Variants in ATP6V1H observed in about 807,000 individuals in gnomAD.
ATP6V1H encodes ATPase H+ transporting V1 subunit H.
ATP6V1H carries 39 observed loss-of-function variants against 71.7 expected under a neutral mutation model. That is an observed-to-expected ratio of 0.54 (90% CI 0.42 to 0.71). The LOEUF is 0.71. Ranked by LOEUF, ATP6V1H falls within the 30% of genes least tolerant of loss-of-function variation. The pLI is 0.00. For missense variants in ATP6V1H, 509 were observed against 594.9 expected (o/e 0.86, Z 1.50); for synonymous variants, 192 against 199.3 (o/e 0.96, Z 0.31).
chr8:53,797,763 G>A (rs1381216373), intron 8 of ATP6V1H, among the ~76,000 whole-genome samples: 1 of 151,886 alleles, frequency 6.6e-6, no homozygotes, highest in African/African-American at 2.4e-5. Context: ...ATTTTGGGAG[G>A]CCAGGGTGGG....
chr8:53,768,280 A>C (rs578016566), intron 11 of ATP6V1H, among the ~76,000 whole-genome samples: 1 of 152,224 alleles, frequency 6.6e-6, no homozygotes, highest in Non-Finnish European at 1.5e-5. Flanking sequence ...CAAAAAGGTC[A>C]TAATAAACGT....
At chr8:53,812,745 G>C (rs1459359146) in intron 6 of ATP6V1H, among the ~76,000 whole-genome samples, 1 of 152,192 alleles carries the variant, frequency 6.6e-6, no homozygotes, top group Non-Finnish European at 1.5e-5. Flanking sequence ...TCAGGGTGGA[G>C]TGCAGTGGCA....
At chr8:53,738,708 A>T (rs1294699162) in intron 13 of ATP6V1H, among the ~76,000 whole-genome samples, 2 of 152,190 alleles carry the variant, frequency 1.3e-5, no homozygotes, top group Non-Finnish European at 2.9e-5. Context: ...AACTCTTCTG[A>T]ATATTTATTT....
intron 8 of ATP6V1H, among the ~76,000 whole-genome samples, chr8:53,800,184 C>A (rs1809862588): frequency 6.6e-6 from 1 of 152,148 alleles, no homozygotes; most frequent in Admixed American, 6.5e-5. Context: ...AGGAAGAGAG[C>A]ATAAGGGAGC....
At chr8:53,764,078 A>C (rs931291691) in intron 11 of ATP6V1H, among the ~76,000 whole-genome samples, 1 of 152,232 alleles carries the variant, frequency 6.6e-6, no homozygotes, top group Non-Finnish European at 1.5e-5. Flanking sequence ...ACATGTTCTC[A>C]CTGGTAAATT....
chr8:53,804,619 A>C (rs1210248463), intron 7 of ATP6V1H, among the ~76,000 whole-genome samples: 1 of 152,208 alleles, frequency 6.6e-6, no homozygotes, highest in African/African-American at 2.4e-5. Flanking sequence ...AGTTGCAGTG[A>C]GCAGAGACGG....
rs1255861218 is a variant in ATP6V1H, at chr8:53,781,223, A to G, written c.871-9056T>C. Among the ~76,000 whole-genome samples the G allele has an allele frequency of 1.3e-4, 20 of 152,208 alleles. No individual in the cohort carries two copies. The South Asian group carries it at 3.5e-3, about 27-fold the overall frequency. ...ACCTGTTGTTTCCTGACTTTTTAAT[A>G]ATCGCCATTCTAACTGGTGTGAGAT... On this transcript the variant is annotated intron_variant, in intron 9 of 13. Coordinates refer to ENST00000359530, the MANE Select transcript of ATP6V1H (RefSeq NM_015941.4).
rs147246408 is a variant in ATP6V1H, at chr8:53,800,466, T to C, written c.677+1333A>G. ...AAACAAAGAGATAGATTGCACTCTATTCTCTAACAATAATGGTGAAATGGG... is the reference window on the plus strand; with the variant it reads ...AAACAAAGAGATAGATTGCACTCTACTCTCTAACAATAATGGTGAAATGGG... On this transcript the variant is annotated intron_variant, in intron 8 of 13. Coordinates refer to ENST00000359530, the MANE Select transcript of ATP6V1H (RefSeq NM_015941.4). Among the ~76,000 whole-genome samples, 337 of 152,348 alleles carry C rather than the reference T, an allele frequency of 2.2e-3. 2 individuals carry two copies. Among genetic ancestry groups the C allele is most frequent in the African/African-American group, 7.8e-3 (326 of 41,582 alleles).
chr8:53,818,384 C>CA (rs1249340098), intron 4 of ATP6V1H, among the ~76,000 whole-genome samples: 4 of 151,992 alleles, frequency 2.6e-5, no homozygotes, highest in Non-Finnish European at 4.4e-5. Flanking sequence ...ACCACATAAA[C>CA]AAAAAATTCC....
intron 12 of ATP6V1H, among the ~76,000 whole-genome samples, chr8:53,745,160 C>A (rs1366493252): frequency 6.6e-6 from 1 of 152,106 alleles, no homozygotes; most frequent in East Asian, 1.9e-4. Context: ...TTTGAGAGAC[C>A]AAGCTGGGAC....
At chr8:53,752,552 C>G (rs946749184) in intron 12 of ATP6V1H, among the ~76,000 whole-genome samples, 1 of 151,994 alleles carries the variant, frequency 6.6e-6, no homozygotes, top group African/African-American at 2.4e-5. Flanking sequence ...TAGATACTTT[C>G]TTTTTTTTCT....
intron 12 of ATP6V1H, among the ~76,000 whole-genome samples, chr8:53,755,820 G>GGAT (rs1192539454): frequency 1.0e-5 from 1 of 96,670 alleles, no homozygotes; most frequent in Non-Finnish European, 2.0e-5. Flanking sequence ...TGCAGTGGCG[G>GGAT]GATCTCGGCT....
chr8:53,784,578 T>G (rs1317123835), intron 9 of ATP6V1H, among the ~76,000 whole-genome samples: 2 of 152,212 alleles, frequency 1.3e-5, no homozygotes, highest in Non-Finnish European at 2.9e-5. Context: ...GATCCTGTCA[T>G]TATGATGTTA....
At chr8:53,773,731 C>A (rs950006082) in intron 9 of ATP6V1H, among the ~76,000 whole-genome samples, 2 of 152,142 alleles carry the variant, frequency 1.3e-5, no homozygotes, top group East Asian at 3.8e-4. Context: ...GAACCAGATA[C>A]TAGAACACAC....
chr8:53,738,859 G>A lies in ATP6V1H; in HGVS notation c.1391+4718C>T, dbSNP rs1385049792. Among the ~76,000 whole-genome samples the A allele has an allele frequency of 5.3e-5, 8 of 152,178 alleles. No individual in the cohort carries two copies. The East Asian group carries it at 5.8e-4, about 11-fold the overall frequency. ...AACTTGCAAAGAAGCAGCAACCTTC[G>A]ATTGGGAGGCTGAATTACCAGTTGA... On this transcript the variant is annotated intron_variant, in intron 13 of 13. Transcript: ENST00000359530.
At chr8:53,788,743 C>G (rs1585789978) in intron 9 of ATP6V1H, among the ~76,000 whole-genome samples, 1 of 152,166 alleles carries the variant, frequency 6.6e-6, no homozygotes, top group African/African-American at 2.4e-5. Context: ...CTATCCACTC[C>G]AGAGAGACTC....
Position 53,801,901 on chromosome 8 carries a change from A to C in ATP6V1H, c.580-5T>G. 1 of 1,611,766 alleles carries C rather than the reference A, an allele frequency of 6.2e-7. No individual in the cohort carries two copies. Among genetic ancestry groups the C allele is most frequent in the Non-Finnish European group, 8.5e-7 (1 of 1,179,122 alleles). On this transcript the variant is annotated splice_polypyrimidine_tract_variant and splice_region_variant and intron_variant, in intron 7 of 13. Transcript: ENST00000359530. ...GCACTGCACATACTGCGAACTCTGC[A>C]CAAGAAGAAGTGTTGAGTTTTTAAA...
At chr8:53,814,574 T>C in intron 6 of ATP6V1H, 88 bp downstream of exon 6, 2 of 725,122 alleles carry the variant, frequency 2.8e-6, no homozygotes, top group South Asian at 4.2e-5. Context: ...TAAAACATTT[T>C]TGTAATTTAA....
At chr8:53,733,316 G>A (rs1807090872) in intron 13 of ATP6V1H, among the ~76,000 whole-genome samples, 1 of 152,152 alleles carries the variant, frequency 6.6e-6, no homozygotes, top group Non-Finnish European at 1.5e-5. Context: ...TCACCACTCA[G>A]TACACTTGGA....
Sources: allele counts gnomAD v4.1 joint callset (sites outside exome capture counted in the v4.1 genomes callset), GRCh38; gene constraint gnomAD v4.1.1; transcripts MANE v1.5; gene names NCBI Gene and HGNC (gene_info 2026-07-23, HGNC 2026-07-21).